The following RGL1 variants were observed in gnomAD, a reference collection of about 807,000 sequenced individuals.
RGL1 encodes ral guanine nucleotide dissociation stimulator like 1, also known as ral guanine nucleotide dissociation stimulator-like 1.
RGL1 carries 24 observed loss-of-function variants against 95.2 expected under a neutral mutation model. The ratio of observed to expected loss-of-function variants is 0.25; its 90% CI spans 0.18 to 0.35. RGL1 has a LOEUF of 0.35. Among genes scored for constraint, RGL1 ranks in the 10% least tolerant of loss-of-function variants. The pLI is 1.00. For missense variants in RGL1, 715 were observed against 936.3 expected, an observed-to-expected ratio of 0.76 and a Z score of 3.08; for synonymous variants, 329 against 344.9, an observed-to-expected ratio of 0.95 and a Z score of 0.51.
intron 16 of RGL1, 51 bp downstream of exon 16, chr1:183,916,752 CTG>C: frequency 3.2e-6 from 5 of 1,583,176 alleles, no homozygotes; most frequent in Non-Finnish European, 4.3e-6. Flanking sequence ...GATTGTGTGT[CTG>C]TGTCTGTCGG....
At chr1:183,762,397 C>T (rs1019365466) in intron 2 of RGL1, among the ~76,000 whole-genome samples, 10 of 152,128 alleles carry the variant, frequency 6.6e-5, no homozygotes, top group African/African-American at 2.4e-4. Flanking sequence ...GGGAGAGAGA[C>T]AAGGGAACAG....
intron 1 of RGL1, among the ~76,000 whole-genome samples, chr1:183,717,190 G>T (rs1165246253): frequency 6.6e-6 from 1 of 152,132 alleles, no homozygotes; most frequent in Non-Finnish European, 1.5e-5. Context: ...TGCAATGAAA[G>T]AATTTTGTTA....
chr1:183,845,206 A>G (rs1358310548), intron 2 of RGL1, among the ~76,000 whole-genome samples: 1 of 152,232 alleles, frequency 6.6e-6, no homozygotes, highest in Non-Finnish European at 1.5e-5. Context: ...GATTCAGATA[A>G]ACCGCCTGGC....
At chr1:183,638,213 G>A (rs116311680) in intron 1 of RGL1, among the ~76,000 whole-genome samples, 1,743 of 152,158 alleles carry the variant, frequency 0.011, 31 homozygotes, top group African/African-American at 0.04. Context: ...TTAAATAATC[G>A]ATTGCTCAAG....
chr1:183,656,479 C>T (rs1651175183), intron 1 of RGL1, among the ~76,000 whole-genome samples: 1 of 152,236 alleles, frequency 6.6e-6, no homozygotes, highest in Non-Finnish European at 1.5e-5. Context: ...GTACCAATCA[C>T]CAAGTTTTGG....
At chr1:183,733,851 G>A (rs1363851525) in intron 1 of RGL1, among the ~76,000 whole-genome samples, 4 of 152,200 alleles carry the variant, frequency 2.6e-5, no homozygotes, top group African/African-American at 9.6e-5. Context: ...ATATTTGGCA[G>A]TATATGGTAT....
intron 1 of RGL1, among the ~76,000 whole-genome samples, chr1:183,651,319 A>G (rs1459580063): frequency 6.6e-6 from 1 of 152,188 alleles, no homozygotes; most frequent in Non-Finnish European, 1.5e-5. Flanking sequence ...AACAGAATAT[A>G]TTTTTCACTT....
chr1:183,898,281 TG>T (rs1667816769), intron 10 of RGL1, among the ~76,000 whole-genome samples: 1 of 152,212 alleles, frequency 6.6e-6, no homozygotes, highest in Non-Finnish European at 1.5e-5. Context: ...TTCTGATACA[TG>T]GTGACCAAGG....
chr1:183,770,491 A>G (rs565721555), intron 2 of RGL1, among the ~76,000 whole-genome samples: 29 of 152,356 alleles, frequency 1.9e-4, no homozygotes, highest in African/African-American at 6.5e-4. Flanking sequence ...CTCACCACAC[A>G]GAAAGCCAAT....
At chr1:183,813,792 A>T (rs903450902) in intron 2 of RGL1, among the ~76,000 whole-genome samples, 3 of 152,160 alleles carry the variant, frequency 2.0e-5, no homozygotes, top group Non-Finnish European at 4.4e-5. Context: ...GCTCACTCTG[A>T]TTGCTAATTC....
At chr1:183,636,732 A>G (rs927092818) in intron 1 of RGL1, among the ~76,000 whole-genome samples, 3 of 152,180 alleles carry the variant, frequency 2.0e-5, no homozygotes, top group African/African-American at 7.2e-5. Flanking sequence ...GATTTATATT[A>G]TGATTTGAGA....
At chr1:183,705,781 A>G (rs1304940443) in intron 1 of RGL1, among the ~76,000 whole-genome samples, 1 of 152,192 alleles carries the variant, frequency 6.6e-6, no homozygotes, top group African/African-American at 2.4e-5. Flanking sequence ...GGACTAAGCA[A>G]TAAGTTCCAT....
intron 1 of RGL1, among the ~76,000 whole-genome samples, chr1:183,668,498 TC>T (rs1262777659): frequency 6.6e-6 from 1 of 152,110 alleles, no homozygotes; most frequent in Non-Finnish European, 1.5e-5. Flanking sequence ...AGATAGTGTC[TC>T]CCTATATTGC....
At chr1:183,894,213 G>A (rs1485069075) in intron 9 of RGL1, among the ~76,000 whole-genome samples, 4 of 152,208 alleles carry the variant, frequency 2.6e-5, no homozygotes, top group Admixed American at 1.3e-4. Flanking sequence ...ACAGTCCTGA[G>A]TCTTCCTTCC....
At chr1:183,847,273 A>G (rs1664505509) in intron 2 of RGL1, among the ~76,000 whole-genome samples, 1 of 152,072 alleles carries the variant, frequency 6.6e-6, no homozygotes, top group Admixed American at 6.6e-5. Flanking sequence ...ACATAGCGAG[A>G]CACTATCTCT....
At chr1:183,636,333 G>C in exon 1 of RGL1, 1 of 396,400 alleles carries the variant, frequency 2.5e-6, no homozygotes, top group Non-Finnish European at 4.4e-6. Context: ...CATTGCCTCA[G>C]ACTGTGCGCT....
chr1:183,914,639 T>C (rs917607077), intron 15 of RGL1, among the ~76,000 whole-genome samples: 1 of 152,190 alleles, frequency 6.6e-6, no homozygotes, highest in African/African-American at 2.4e-5. Flanking sequence ...TTTATTTGCA[T>C]TCCTTTCTTC....
At chr1:183,744,314 CTTT>C (rs67225177) in intron 2 of RGL1, among the ~76,000 whole-genome samples, 35 of 148,180 alleles carry the variant, frequency 2.4e-4, no homozygotes, top group East Asian at 3.9e-4. Flanking sequence ...GCACAACAGA[CTTT>C]TTTTTTTTTT....
rs1164141985 is a variant in RGL1, at chr1:183,926,286, C to T, written c.2301C>T (p.Thr767=). 2 of 1,609,488 alleles carry T rather than the reference C, an allele frequency of 1.2e-6. No homozygotes were observed. Among genetic ancestry groups the T allele is most frequent in the Admixed American group, 3.4e-5 (2 of 59,600 alleles). ...GCWSNRHSKI[T]L is the part of the protein sequence containing the mutation. ...GGAGTAACAGACACAGCAAAATCAC[C>T]CTCTGAAGGGAGGGACCAGTGGCCC... Residue 767 remains threonine (T), a synonymous_variant, in exon 18 of 18, where the codon ACC becomes ACT. Transcript: ENST00000360851.
Sources: allele counts gnomAD v4.1 joint callset (sites outside exome capture counted in the v4.1 genomes callset), GRCh38; gene constraint gnomAD v4.1.1; transcripts MANE v1.5; gene names NCBI Gene and HGNC (gene_info 2026-07-23, HGNC 2026-07-21).